NAV3: variants seen among roughly 807,000 people sequenced by gnomAD.
NAV3 encodes neuron navigator 3, also known as pore membrane and/or filament interacting like protein 1.
Under a neutral mutation model 244.7 loss-of-function variants are expected in NAV3, and 87 were observed. The observed-to-expected ratio is 0.36, with a 90% CI of 0.30 to 0.42. The LOEUF is 0.42. Among genes scored for constraint, NAV3 ranks in the 20% least tolerant of loss-of-function variants. The pLI is 1.00. For synonymous variants in NAV3, 1,126 were observed against 1,042.2 expected (o/e 1.08, Z -1.55); for missense variants, 2,663 against 2,893.3 (o/e 0.92, Z 1.83).
intron 2 of NAV3, among the ~76,000 whole-genome samples, chr12:77,620,056 T>C (rs913741463): frequency 4.7e-4 from 72 of 152,294 alleles, no homozygotes; most frequent in African/African-American, 1.7e-3. Context: ...GTCTTTTCAT[T>C]TGGAGAGGAC....
chr12:78,159,741 T>A (rs1593840690), intron 23 of NAV3, among the ~76,000 whole-genome samples: 1 of 152,140 alleles, frequency 6.6e-6, no homozygotes, highest in Admixed American at 6.6e-5. Context: ...AGATTTTAAT[T>A]TAAAGATTTT....
intron 9 of NAV3, among the ~76,000 whole-genome samples, chr12:78,045,019 G>A (rs2137136893): frequency 6.6e-6 from 1 of 152,230 alleles, no homozygotes; most frequent in African/African-American, 2.4e-5. Context: ...GTTTTCAAAG[G>A]GAATGCTTCC....
At position 78,128,841 on chromosome 12, in the gene NAV3, T is replaced by G. The variant is rs1956040278; in HGVS notation, c.4416T>G (p.Ala1472=). 4 of 1,613,630 alleles carry G rather than the reference T, an allele frequency of 2.5e-6. No homozygotes were observed. The South Asian group carries it at 4.4e-5, about 18-fold the overall frequency. ...CTTCTGCCATGTCATCTTCTGCAGCTGGAAAATACCACTTTTCTAACTTGG... is the reference window on the plus strand; with the variant it reads ...CTTCTGCCATGTCATCTTCTGCAGCGGGAAAATACCACTTTTCTAACTTGG... The part of the protein sequence containing the change: ...VSPSAMSSSA[A]GKYHFSNLVS... Residue 1472 remains alanine (A), a synonymous_variant, in exon 18 of 40, where the codon GCT becomes GCG. Transcript: ENST00000397909.
At chr12:77,656,459 A>G (rs1873109623) in intron 2 of NAV3, among the ~76,000 whole-genome samples, 1 of 120,784 alleles carries the variant, frequency 8.3e-6, no homozygotes, top group Admixed American at 8.5e-5. Flanking sequence ...TTCATAAAGC[A>G]AGTCCTGAGT....
chr12:77,725,349 A>G (rs765201517), intron 2 of NAV3, among the ~76,000 whole-genome samples: 19 of 152,030 alleles, frequency 1.2e-4, no homozygotes, highest in Non-Finnish European at 2.5e-4. Context: ...CTTTTGTAAT[A>G]TTCATATAAC....
intron 8 of NAV3, among the ~76,000 whole-genome samples, chr12:78,014,575 A>G (rs1423362516): frequency 6.6e-6 from 1 of 152,152 alleles, no homozygotes; most frequent in East Asian, 1.9e-4. Context: ...TTATTATAAA[A>G]TATTTCTGTG....
At chr12:77,756,831 T>A (rs993804362) in intron 2 of NAV3, among the ~76,000 whole-genome samples, 3 of 152,000 alleles carry the variant, frequency 2.0e-5, no homozygotes, top group Admixed American at 6.6e-5. Context: ...AACTATTCCT[T>A]GCCATTAAAA....
chr12:78,141,816 G>C (rs1010082303), intron 20 of NAV3, among the ~76,000 whole-genome samples: 1 of 151,946 alleles, frequency 6.6e-6, no homozygotes, highest in African/African-American at 2.4e-5. Context: ...CCTCCTGTTG[G>C]GCCAGCACTG....
At chr12:77,944,964 T>C (rs1042768227) in intron 3 of NAV3, among the ~76,000 whole-genome samples, 2 of 152,158 alleles carry the variant, frequency 1.3e-5, no homozygotes, top group African/African-American at 4.8e-5. Flanking sequence ...TATACTGGAA[T>C]GTGGTATTTC....
chr12:77,976,666 C>CTTTTTTTTTTTTTT (rs1295751885), intron 5 of NAV3, among the ~76,000 whole-genome samples: 2 of 58,062 alleles, frequency 3.4e-5, no homozygotes, highest in African/African-American at 1.3e-4. Context: ...TTCTTTCTTT[C>CTTTTTTTTTTTTTT]TTTTTTTCTT....
At chr12:77,649,496 A>T (rs1872734273) in intron 2 of NAV3, among the ~76,000 whole-genome samples, 1 of 152,148 alleles carries the variant, frequency 6.6e-6, no homozygotes, top group South Asian at 2.1e-4. Flanking sequence ...TTTGCATCTA[A>T]TTATACAGCT....
intron 23 of NAV3, among the ~76,000 whole-genome samples, chr12:78,161,255 C>T (rs879813440): frequency 5.9e-5 from 9 of 152,046 alleles, no homozygotes; most frequent in Non-Finnish European, 1.0e-4. Context: ...GTTATCATGT[C>T]ACATGCTAGG....
At chr12:78,086,646 A>G (rs1270227622) in intron 12 of NAV3, among the ~76,000 whole-genome samples, 1 of 152,040 alleles carries the variant, frequency 6.6e-6, no homozygotes, top group African/African-American at 2.4e-5. Context: ...ATTTAAGGGA[A>G]TTAATCATTG....
chr12:77,733,378 A>G (rs1027867696), intron 2 of NAV3, among the ~76,000 whole-genome samples: 3 of 152,064 alleles, frequency 2.0e-5, no homozygotes, highest in African/African-American at 7.2e-5. Flanking sequence ...ACTTTGAGAT[A>G]GATATTATTT....
chr12:78,130,925 G>A (rs1460845743), intron 18 of NAV3: 1 of 179,364 alleles, frequency 5.6e-6, no homozygotes, highest in Non-Finnish European at 1.2e-5. Flanking sequence ...GCCAGCATCA[G>A]TGCCAAGGCA....
At chr12:78,197,890 T>A (rs1959204059) in intron 35 of NAV3, among the ~76,000 whole-genome samples, 1 of 151,930 alleles carries the variant, frequency 6.6e-6, no homozygotes, top group Admixed American at 6.6e-5. Context: ...TTTAGAGCTC[T>A]GGTTTCATTC....
chr12:77,741,358 T>C (rs887487963), intron 2 of NAV3, among the ~76,000 whole-genome samples: 1 of 152,106 alleles, frequency 6.6e-6, no homozygotes, highest in Non-Finnish European at 1.5e-5. Context: ...GATTGGTATT[T>C]AGATTGTTAC....
intron 2 of NAV3, among the ~76,000 whole-genome samples, chr12:77,701,367 T>C (rs1381647341): frequency 6.6e-6 from 1 of 151,994 alleles, no homozygotes; most frequent in South Asian, 2.1e-4. Context: ...TAAGCTCCCA[T>C]GAACATATTT....
chr12:77,601,733 G>C (rs987957285), intron 2 of NAV3, among the ~76,000 whole-genome samples: 1 of 151,946 alleles, frequency 6.6e-6, no homozygotes, highest in Non-Finnish European at 1.5e-5. Context: ...TATACCTTAG[G>C]CTCCTGAAGA....
Sources: gnomAD v4.1 joint callset for allele counts (sites outside exome capture counted in the v4.1 genomes callset) on GRCh38, gnomAD v4.1.1 for gene constraint, MANE v1.5 for transcripts, NCBI Gene and HGNC (gene_info 2026-07-23, HGNC 2026-07-21) for gene names.